HSD17B3: variants seen among roughly 807,000 people sequenced by gnomAD.
HSD17B3 encodes the protein 17-beta-hydroxysteroid dehydrogenase type 3.
HSD17B3 carries 29 observed loss-of-function variants against 41.1 expected under a neutral mutation model. The ratio of observed to expected loss-of-function variants is 0.71; its 90% confidence interval spans 0.53 to 0.96. The LOEUF is 0.96. Among genes scored for constraint, HSD17B3 ranks in the 40% least tolerant of loss-of-function variants. HSD17B3 has a pLI of 0.00. For synonymous variants in HSD17B3, 126 were observed against 145.6 expected, an observed-to-expected ratio of 0.87 and a Z score of 0.97; for missense variants, 323 against 374.6, an observed-to-expected ratio of 0.86 and a Z score of 1.14.
chr9:96,279,612 G>A (rs1224934172), intron 2 of HSD17B3, among the ~76,000 whole-genome samples: 1 of 152,090 alleles, frequency 6.6e-6, no homozygotes, highest in Non-Finnish European at 1.5e-5. Context: ...AAGGGAAGGG[G>A]ATTCTCTACA....
chr9:96,255,251 T>G (rs1188067893), intron 2 of HSD17B3, among the ~76,000 whole-genome samples: 1 of 152,020 alleles, frequency 6.6e-6, no homozygotes, highest in Non-Finnish European at 1.5e-5. Flanking sequence ...TCTCTGAAAT[T>G]CATGGGCTCA....
intron 4 of HSD17B3, among the ~76,000 whole-genome samples, chr9:96,252,526 G>C (rs1825461918): frequency 6.8e-6 from 1 of 147,646 alleles, no homozygotes; most frequent in South Asian, 2.1e-4. Flanking sequence ...CTGGGTGACA[G>C]AGCGAGACTG....
At chr9:96,287,921 A>T (rs1826989420) in intron 2 of HSD17B3, among the ~76,000 whole-genome samples, 1 of 152,118 alleles carries the variant, frequency 6.6e-6, no homozygotes, top group Admixed American at 6.5e-5. Context: ...CTGGAAAATG[A>T]ATAAACAAAA....
At chr9:96,284,841 A>AT (rs35535710) in intron 2 of HSD17B3, among the ~76,000 whole-genome samples, 117,412 of 145,946 alleles carry the variant, frequency 0.8, 47,275 homozygotes, top group East Asian at 0.84. Flanking sequence ...ATCAAAGCCA[A>AT]TTTTTTTTTT....
intron 3 of HSD17B3, 106 bp from the exon 4 acceptor site, chr9:96,253,016 G>T: frequency 1.3e-6 from 1 of 783,570 alleles, no homozygotes. Context: ...CATTGAAGAG[G>T]ACAGCCCATT....
chr9:96,283,885 G>C (rs114581017), intron 2 of HSD17B3, among the ~76,000 whole-genome samples: 10 of 152,016 alleles, frequency 6.6e-5, no homozygotes, highest in African/African-American at 2.4e-4. Context: ...AAATGTTCAT[G>C]AATATCAAGC....
At chr9:96,260,089 G>A (rs900291156) in intron 2 of HSD17B3, among the ~76,000 whole-genome samples, 2 of 152,190 alleles carry the variant, frequency 1.3e-5, no homozygotes, top group African/African-American at 2.4e-5. Context: ...ATGCAAGCAT[G>A]AGCTTTCCTG....
intron 6 of HSD17B3, among the ~76,000 whole-genome samples, chr9:96,248,735 A>C (rs560635270): frequency 6.6e-6 from 1 of 152,074 alleles, no homozygotes; most frequent in East Asian, 1.9e-4. Context: ...ATCCTCATCT[A>C]CTCACCAAGT....
intron 2 of HSD17B3, among the ~76,000 whole-genome samples, chr9:96,296,247 A>G (rs2130797303): frequency 7.7e-6 from 1 of 129,750 alleles, no homozygotes; most frequent in South Asian, 2.3e-4. Flanking sequence ...ACCTGTCTCC[A>G]AAAAGTAAAA....
intron 5 of HSD17B3, 50 bp downstream of exon 5, chr9:96,251,368 A>T (rs2296211): frequency 2.0e-6 from 3 of 1,510,216 alleles, no homozygotes; most frequent in Non-Finnish European, 1.8e-6. Context: ...CAGCCAGGGG[A>T]CCCAGAACCT....
intron 9 of HSD17B3, among the ~76,000 whole-genome samples, chr9:96,241,971 A>AAGAAAGAAAGAAAG (rs1836463082): frequency 7.0e-6 from 1 of 143,654 alleles, no homozygotes; most frequent in African/African-American, 2.8e-5. Context: ...AAAAGAAAGA[A>AAGAAAGAAAGAAAG]AGAAAGAAAG....
chr9:96,284,714 T>C (rs1165058102), intron 2 of HSD17B3, among the ~76,000 whole-genome samples: 2 of 152,200 alleles, frequency 1.3e-5, no homozygotes, highest in African/African-American at 4.8e-5. Context: ...CAAGTTATCT[T>C]GGGACCCCCA....
chr9:96,240,978 C>T (rs1024216536), intron 9 of HSD17B3, 71 bp from the exon 10 acceptor site: 2 of 1,577,538 alleles, frequency 1.3e-6, no homozygotes, highest in East Asian at 2.2e-5. Flanking sequence ...AATTAACACT[C>T]AAGCCCCCAT....
chr9:96,275,370 G>T lies in HSD17B3; in HGVS notation c.202-20427C>A, dbSNP rs140133268. Among the ~76,000 whole-genome samples the T allele has an allele frequency of 3.3e-5, 5 of 152,092 alleles. No homozygotes were observed. In the East Asian group the frequency reaches 9.7e-4, roughly 29 times the overall value. ...AATGATGGTGCACAAATCACTTTTT[G>T]CCCTAATATAAAAGTTAAAAGATAA... On this transcript the variant is annotated intron_variant, in intron 2 of 10. Coordinates refer to ENST00000375263, the MANE Select transcript of HSD17B3 (RefSeq NM_000197.2).
intron 5 of HSD17B3, chr9:96,251,193 GAGA>G (rs1238341052): frequency 1.4e-5 from 8 of 590,668 alleles, no homozygotes; most frequent in Admixed American, 3.0e-5. Flanking sequence ...TTGATGTGCA[GAGA>G]AGGAGGAAGA....
intron 8 of HSD17B3, 135 bp from the exon 9 acceptor site, chr9:96,244,529 G>A: frequency 1.3e-6 from 1 of 798,682 alleles, no homozygotes; most frequent in South Asian, 1.4e-5. Context: ...TCTGGGTACG[G>A]AGGGTACGGA....
chr9:96,251,359 A>T (rs371685033), intron 5 of HSD17B3, 59 bp downstream of exon 5: 14 of 1,467,816 alleles, frequency 9.5e-6, no homozygotes, highest in Non-Finnish European at 1.3e-5. Context: ...CTCATTACCC[A>T]GCCAGGGGAC....
At chr9:96,253,549 A>G (rs2479825) in intron 3 of HSD17B3, among the ~76,000 whole-genome samples, 38,908 of 152,106 alleles carry the variant, frequency 0.26, 5,238 homozygotes, top group African/African-American at 0.3. Context: ...ATGAAGGCTC[A>G]GAGAAGCTAA....
intron 4 of HSD17B3, among the ~76,000 whole-genome samples, chr9:96,252,210 C>T (rs1006370611): frequency 6.6e-6 from 1 of 152,102 alleles, no homozygotes; most frequent in Non-Finnish European, 1.5e-5. Flanking sequence ...CAAATGTCAA[C>T]GTCAGTTCCA....
Sources: allele counts gnomAD v4.1 joint callset (sites outside exome capture counted in the v4.1 genomes callset), GRCh38; gene constraint gnomAD v4.1.1; transcripts MANE v1.5; gene names NCBI Gene and HGNC (gene_info 2026-07-23, HGNC 2026-07-21).